The following LRRC9 variants were observed in gnomAD, a reference collection of about 807,000 sequenced individuals.
LRRC9 encodes the protein leucine rich repeat containing 9.
In LRRC9, 122 loss-of-function variants were observed where a neutral mutation model predicts 63.2. The observed-to-expected ratio is 1.93, with a 90% CI of 1.67 to 2.24. LRRC9 has a LOEUF of 2.24. LRRC9 is among the 30% of genes most tolerant of loss of function. The probability of loss-of-function intolerance (pLI) is 0.00; values close to 1 mark genes in which losing one functional copy is unlikely to be tolerated. For missense variants in LRRC9, 1,071 were observed against 627.7 expected, an observed-to-expected ratio of 1.71 and a Z score of -7.55; for synonymous variants, 366 against 213.1, an observed-to-expected ratio of 1.72 and a Z score of -6.25.
intron 15 of LRRC9, among the ~76,000 whole-genome samples, chr14:59,981,036 T>C (rs219334): frequency 0.75 from 113,224 of 151,960 alleles, 44,363 homozygotes; most frequent in Non-Finnish European, 0.87. Flanking sequence ...TGGAATACCC[T>C]GATTAGTTAA....
chr14:60,020,510 T>C (rs996714478), intron 26 of LRRC9, among the ~76,000 whole-genome samples: 3 of 151,934 alleles, frequency 2.0e-5, no homozygotes, highest in African/African-American at 7.2e-5. Flanking sequence ...TGTTTACTTA[T>C]ATTAAGTGTA....
chr14:59,999,094 TCCCAAGC>T lies in LRRC9; in HGVS notation c.2404-5_2405del. On this transcript the variant is annotated splice_acceptor_variant and splice_polypyrimidine_tract_variant and coding_sequence_variant and intron_variant, in exon 19 of 32. Coordinates refer to ENST00000445360, the Ensembl canonical transcript of LRRC9. LOFTEE classifies it high-confidence loss of function. ...TTATAAAAAATTTTTTTTTTGTTTT[TCCCAAGC>T]CAGCCACATTGAGGCTGAGTGTTAT... 3.1e-6 allele frequency: 2 copies of T among 648,454 alleles called. No individual in the cohort carries two copies. The highest frequency in any genetic ancestry group is 2.5e-5 in the Admixed American group (1 of 39,346). The allele number at this position is 648,454 out of a possible 1,614,324, so 40.2% of individuals were successfully genotyped here.
chr14:59,995,699 T>C (rs1261082561), intron 17 of LRRC9, among the ~76,000 whole-genome samples: 9 of 151,006 alleles, frequency 6.0e-5, no homozygotes, highest in African/African-American at 2.2e-4. Flanking sequence ...ATTCCCCCCC[T>C]GTTTTCAAGG....
At chr14:59,934,054 G>C (rs1889925900) in intron 6 of LRRC9, among the ~76,000 whole-genome samples, 1 of 151,938 alleles carries the variant, frequency 6.6e-6, no homozygotes, top group South Asian at 2.1e-4. Flanking sequence ...ATTTGGAACA[G>C]CTAGAAGAAG....
intron 17 of LRRC9, among the ~76,000 whole-genome samples, chr14:59,997,174 G>C (rs1444823725): frequency 6.6e-6 from 1 of 151,698 alleles, no homozygotes; most frequent in African/African-American, 2.4e-5. Context: ...TTCCAACAAG[G>C]AACATGTGTT....
rs989849353 is a variant in LRRC9, at chr14:60,003,722, TA to T, written c.2770del (p.Met924TrpfsTer15). On this transcript the variant is annotated frameshift_variant, in exon 21 of 32. Transcript: ENST00000445360. LOFTEE classifies it high-confidence loss of function. The surrounding 1 kb of genome is among the most constrained non-coding windows in gnomAD (Gnocchi z 4.2). Reference sequence around the variant, plus strand: ...CATCATTCAGCAATAATAATCTCACTAAAATGGAGGGTCTGGAATCCTGTAT... The same window carrying T: ...CATCATTCAGCAATAATAATCTCACTAAATGGAGGGTCTGGAATCCTGTAT... 89 of 695,998 alleles carry T rather than the reference TA, an allele frequency of 1.3e-4. No individual in the cohort carries two copies. The highest frequency in any genetic ancestry group is 2.2e-4 in the Non-Finnish European group (85 of 382,878). 43.1% of individuals were successfully genotyped at this position (695,998 alleles called of 1,614,324 possible).
chr14:59,991,315 T>C (rs1213233402), intron 17 of LRRC9, among the ~76,000 whole-genome samples: 1 of 152,166 alleles, frequency 6.6e-6, no homozygotes, highest in Non-Finnish European at 1.5e-5. Flanking sequence ...TACTAAGTTG[T>C]AGAAAGTAAA....
At chr14:60,063,564 T>C (rs1256973074), downstream of LRRC9, 1 of 461,304 alleles carries the variant, frequency 2.2e-6, no homozygotes, top group Non-Finnish European at 3.8e-6. Flanking sequence ...ACTTTCTTTA[T>C]GGTTATCTTT....
chr14:60,006,686 C>A, intron 22 of LRRC9, 69 bp downstream of exon 22: 2 of 534,092 alleles, frequency 3.7e-6, no homozygotes, highest in Non-Finnish European at 3.3e-6. Flanking sequence ...GAAAGTAATG[C>A]ATGTTTATTG....
intron 29 of LRRC9, among the ~76,000 whole-genome samples, chr14:60,047,307 T>C (rs160247): frequency 0.75 from 113,417 of 151,978 alleles, 44,448 homozygotes; most frequent in Non-Finnish European, 0.87. Flanking sequence ...TGGATAGGTG[T>C]GGTGAGAGAC....
chr14:60,056,507 G>A (rs1894292087), intron 30 of LRRC9, among the ~76,000 whole-genome samples: 1 of 152,006 alleles, frequency 6.6e-6, no homozygotes, highest in Non-Finnish European at 1.5e-5. Flanking sequence ...ATCATATAGT[G>A]AACTCAGATT....
Position 60,053,742 on chromosome 14 carries a change from T to G in LRRC9, c.4131+537T>G. ...AGCCCTAAAATGTATCTGATCATGG[T>G]AGGAAAGAGATTAAAAAGGGAAGAA... On this transcript the variant is annotated intron_variant, in intron 30 of 31. Transcript: ENST00000445360. The surrounding 1 kb of genome is among the most constrained non-coding windows in gnomAD (Gnocchi z 4.8). The G allele has an allele frequency of 2.8e-6, 1 of 354,192 alleles. No individual in the cohort carries two copies. Among genetic ancestry groups the G allele is most frequent in the South Asian group, 2.3e-5 (1 of 44,068 alleles). The allele number at this position is 354,192 out of a possible 1,614,324, so 21.9% of individuals were successfully genotyped here.
chr14:59,982,302 A>T lies in LRRC9; in HGVS notation c.2091+242A>T, dbSNP rs575712973. On this transcript the variant is annotated intron_variant, in intron 16 of 31. Transcript: ENST00000445360. ...CTATGTTTTTAAAAGCTTTTTTAAA[A>T]AGTAAAATTAATTTTAATAATACAT... is the stretch of plus-strand genomic sequence containing the variant. Among the ~76,000 whole-genome samples the T allele has an allele frequency of 1.9e-4, 29 of 152,324 alleles. No individual in the cohort carries two copies. In the South Asian group the frequency reaches 6.0e-3, roughly 32 times the overall value.
intron 29 of LRRC9, among the ~76,000 whole-genome samples, chr14:60,035,798 T>G (rs952586950): frequency 9.2e-5 from 14 of 152,260 alleles, no homozygotes; most frequent in African/African-American, 2.7e-4. Flanking sequence ...TTGTTCTTTT[T>G]GCTCAGGATT....
intron 7 of LRRC9, among the ~76,000 whole-genome samples, chr14:59,940,124 C>T (rs1427367740): frequency 1.3e-5 from 2 of 151,906 alleles, no homozygotes; most frequent in South Asian, 2.1e-4. Flanking sequence ...GTCTTGTAAA[C>T]GTCAGGAGTA....
At position 59,930,938 on chromosome 14, in the gene LRRC9, A is replaced by G; in HGVS notation, c.288A>G (p.Glu96=). Residue 96 remains glutamate (E), a synonymous_variant, in exon 4 of 32, where the codon GAA becomes GAG. Transcript: ENST00000445360. This position sits in a 1 kb window ranked among gnomAD's most constrained non-coding sequence, Gnocchi z 4.9. Reference sequence around the variant, plus strand: ...TACAGAAAATTGAAGGTCTTCAAGAATGTAGAAATTTGGAAAAACTATATT... The same window carrying G: ...TACAGAAAATTGAAGGTCTTCAAGAGTGTAGAAATTTGGAAAAACTATATT... The G allele has an allele frequency of 2.3e-6, 1 of 443,662 alleles. No homozygotes were observed. Among genetic ancestry groups the G allele is most frequent in the East Asian group, 3.7e-5 (1 of 27,104 alleles). The allele number at this position is 443,662 out of a possible 1,614,324, so 27.5% of individuals were successfully genotyped here. A position where few individuals can be genotyped will look rare whatever the true frequency, so the allele number is the denominator to read the frequency against.
chr14:59,939,760 G>A (rs192285967), intron 7 of LRRC9, among the ~76,000 whole-genome samples: 1 of 151,880 alleles, frequency 6.6e-6, no homozygotes, highest in Non-Finnish European at 1.5e-5. Context: ...GGAGGTGTAG[G>A]TTTAGGAGGA....
At chr14:59,965,584 G>C (rs1471066259) in intron 10 of LRRC9, among the ~76,000 whole-genome samples, 3 of 152,028 alleles carry the variant, frequency 2.0e-5, no homozygotes, top group Non-Finnish European at 4.4e-5. Context: ...AGGCGGACTT[G>C]CTAAAGAATT....
chr14:59,997,309 G>T (rs1297009249), intron 17 of LRRC9, among the ~76,000 whole-genome samples: 1 of 151,916 alleles, frequency 6.6e-6, no homozygotes, highest in Admixed American at 6.6e-5. Flanking sequence ...CAGGCTATGG[G>T]GCTCAACAGT....
Sources: gnomAD v4.1 joint callset for allele counts (sites outside exome capture counted in the v4.1 genomes callset) on GRCh38, gnomAD v4.1.1 for gene constraint, Gnocchi (gnomAD v3.1) non-coding constraint, MANE v1.5 for transcripts, NCBI Gene and HGNC (gene_info 2026-07-23, HGNC 2026-07-21) for gene names.